Variants in PIWIL2 observed in about 807,000 individuals in gnomAD.
PIWIL2 encodes the protein piwi-like protein 2.
PIWIL2 carries 81 observed loss-of-function variants against 116.5 expected under a neutral mutation model. The ratio of observed to expected loss-of-function variants is 0.70; its 90% CI spans 0.58 to 0.84. The LOEUF is 0.84. Ranked by LOEUF, PIWIL2 falls within the 40% of genes least tolerant of loss-of-function variation. The pLI is 0.00. For missense variants in PIWIL2, 1,272 were observed against 1,212.3 expected, an observed-to-expected ratio of 1.05 and a Z score of -0.73; for synonymous variants, 489 against 429.5, an observed-to-expected ratio of 1.14 and a Z score of -1.71.
At chr8:22,287,739 A>G (rs545430957) in intron 7 of PIWIL2, 94 bp downstream of exon 7, 26 of 808,260 alleles carry the variant, frequency 3.2e-5, no homozygotes, top group Non-Finnish European at 5.0e-5. Context: ...GGGTCTTGCT[A>G]TGTTGCCCAG....
intron 20 of PIWIL2, among the ~76,000 whole-genome samples, chr8:22,349,352 C>T (rs2132109016): frequency 6.7e-6 from 1 of 148,268 alleles, no homozygotes; most frequent in South Asian, 2.1e-4. Flanking sequence ...CTTCTTTGTG[C>T]TTCGGAATAT....
At chr8:22,332,865 T>C (rs1831892834) in intron 20 of PIWIL2, among the ~76,000 whole-genome samples, 1 of 152,078 alleles carries the variant, frequency 6.6e-6, no homozygotes, top group Admixed American at 6.6e-5. Context: ...AGGAACATGA[T>C]CCCAGATAGA....
chr8:22,351,473 A>G (rs1206689879), intron 20 of PIWIL2, among the ~76,000 whole-genome samples: 2 of 114,060 alleles, frequency 1.8e-5, no homozygotes, highest in East Asian at 3.0e-4. Flanking sequence ...ATATATATAT[A>G]TATATATATA....
chr8:22,325,662 T>A (rs1831708572), intron 20 of PIWIL2, among the ~76,000 whole-genome samples: 1 of 151,882 alleles, frequency 6.6e-6, no homozygotes, highest in Non-Finnish European at 1.5e-5. Flanking sequence ...TTTTGTATTT[T>A]TAGTAGAGAT....
chr8:22,297,706 G>T (rs1160832296), intron 10 of PIWIL2, among the ~76,000 whole-genome samples: 1 of 152,256 alleles, frequency 6.6e-6, no homozygotes, highest in South Asian at 2.1e-4. Context: ...TATAGTCTAG[G>T]AGAAGGATCG....
intron 20 of PIWIL2, 145 bp downstream of exon 20, chr8:22,318,420 C>T (rs560047340): frequency 8.3e-5 from 46 of 551,642 alleles, no homozygotes; most frequent in Middle Eastern, 5.0e-4. Flanking sequence ...TGGGTTCAAG[C>T]GGTTCTCCTG....
chr8:22,325,461 G>T (rs1207952360), intron 20 of PIWIL2, among the ~76,000 whole-genome samples: 2 of 147,458 alleles, frequency 1.4e-5, no homozygotes, highest in African/African-American at 4.9e-5. Context: ...CTAAAATGAT[G>T]CATTATCTTT....
At chr8:22,296,334 C>A (rs940158056) in intron 10 of PIWIL2, among the ~76,000 whole-genome samples, 2 of 151,996 alleles carry the variant, frequency 1.3e-5, no homozygotes, top group Admixed American at 1.3e-4. Context: ...CATGAGCCAC[C>A]GCGCCTGGCC....
At chr8:22,305,584 A>T (rs1313702792) in intron 12 of PIWIL2, among the ~76,000 whole-genome samples, 4 of 152,180 alleles carry the variant, frequency 2.6e-5, no homozygotes, top group Admixed American at 2.6e-4. Flanking sequence ...GACCAGTAGG[A>T]TACAGTGAGA....
chr8:22,354,305 C>T lies in PIWIL2; in HGVS notation c.2692C>T (p.Gln898Ter). The T allele has an allele frequency of 6.2e-7, 1 of 1,613,240 alleles. No homozygotes were observed. Among genetic ancestry groups the T allele is most frequent in the Non-Finnish European group, 8.5e-7 (1 of 1,179,270 alleles). Reference sequence around the variant, plus strand: ...CTATCTTCTTGCCCATCATGTACGGCAGGGCTGTGGCATTCCTACGCATTA... The same window carrying T: ...CTATCTTCTTGCCCATCATGTACGGTAGGGCTGTGGCATTCCTACGCATTA... ...DFYLLAHHVR[Q>*]GCGIPTHYVC... The change falls in exon 22 of 23, where the codon CAG becomes TAG. Residue 898 changes from glutamine to a stop codon, truncating the protein, a stop_gained. Coordinates refer to ENST00000356766, the MANE Select transcript of PIWIL2 (RefSeq NM_018068.5). LOFTEE classifies it high-confidence loss of function.
At chr8:22,297,357 AT>A (rs1242034102) in intron 10 of PIWIL2, among the ~76,000 whole-genome samples, 1 of 152,106 alleles carries the variant, frequency 6.6e-6, no homozygotes, top group African/African-American at 2.4e-5. Flanking sequence ...GCCTTAAGTT[AT>A]CCTCCTTCTA....
intron 20 of PIWIL2, among the ~76,000 whole-genome samples, chr8:22,320,545 G>A (rs1042549915): frequency 2.0e-5 from 3 of 151,870 alleles, no homozygotes; most frequent in Non-Finnish European, 4.4e-5. Context: ...TCAAAGTGCT[G>A]AGATTATAGG....
intron 1 of PIWIL2, among the ~76,000 whole-genome samples, chr8:22,276,620 G>A (rs1830378295): frequency 6.6e-6 from 1 of 152,166 alleles, no homozygotes; most frequent in South Asian, 2.1e-4. Context: ...GGCCAAGACA[G>A]CTTTTTGAAA....
chr8:22,296,047 T>TGTTG, intron 10 of PIWIL2, among the ~76,000 whole-genome samples: 1 of 130,568 alleles, frequency 7.7e-6, no homozygotes, highest in African/African-American at 3.0e-5. Context: ...TTTTTTTTTT[T>TGTTG]TTTTTTTTTT....
At chr8:22,346,518 A>G (rs1180651054) in intron 20 of PIWIL2, among the ~76,000 whole-genome samples, 1 of 152,146 alleles carries the variant, frequency 6.6e-6, no homozygotes, top group Non-Finnish European at 1.5e-5. Flanking sequence ...CTCAGAATTC[A>G]TGGTTCACCA....
intron 20 of PIWIL2, among the ~76,000 whole-genome samples, chr8:22,346,468 T>G (rs922908447): frequency 6.6e-6 from 1 of 152,152 alleles, no homozygotes; most frequent in African/African-American, 2.4e-5. Flanking sequence ...TGTTTTCATA[T>G]TTTGCCCAGC....
chr8:22,347,194 A>C (rs527488362), intron 20 of PIWIL2, among the ~76,000 whole-genome samples: 1 of 151,514 alleles, frequency 6.6e-6, no homozygotes, highest in African/African-American at 2.4e-5. Context: ...AAAAGTAGCA[A>C]ATTCAGCACA....
chr8:22,354,296 C>G lies in PIWIL2; in HGVS notation c.2683C>G (p.His895Asp). 6.2e-7 allele frequency: 1 copy of G among 1,613,022 alleles called. No individual in the cohort carries two copies. ...EWVDFYLLAHHVRQGCGIPTH... is the reference protein window; with the variant it reads ...EWVDFYLLAHDVRQGCGIPTH... Reference sequence around the variant, plus strand: ...GGTGGATTTCTATCTTCTTGCCCATCATGTACGGCAGGGCTGTGGCATTCC... The same window carrying G: ...GGTGGATTTCTATCTTCTTGCCCATGATGTACGGCAGGGCTGTGGCATTCC... The change falls in exon 22 of 23, where the codon CAT becomes GAT. Residue 895 changes from histidine (H) to aspartate (D), a missense_variant. By Grantham distance (81) the His-to-Asp change is moderately conservative. Coordinates refer to ENST00000356766, the MANE Select transcript of PIWIL2 (RefSeq NM_018068.5).
rs371176313 is a variant in PIWIL2, at chr8:22,284,183, A to T, written c.654A>T (p.Gly218=). 6 of 1,593,878 alleles carry T rather than the reference A, an allele frequency of 3.8e-6. No homozygotes were observed. The African/African-American group carries it at 6.8e-5, about 18-fold the overall frequency. The part of the protein sequence containing the change: ...HKEKELIVKQ[G]SKGTPQSLGL... ...CTAGAGAGCTTATTGTGAAGCAAGG[A>T]TCAAAAGGAACACCTCAGTCTTTGG... Residue 218 remains glycine (G), a synonymous_variant, in exon 6 of 23, where the codon GGA becomes GGT. Coordinates refer to ENST00000356766, the MANE Select transcript of PIWIL2 (RefSeq NM_018068.5).
Sources: allele counts gnomAD v4.1 joint callset (sites outside exome capture counted in the v4.1 genomes callset), GRCh38; gene constraint gnomAD v4.1.1; transcripts MANE v1.5; gene names NCBI Gene and HGNC (gene_info 2026-07-23, HGNC 2026-07-21).